Variants in MARK3 observed in about 807,000 individuals in gnomAD.
MARK3 encodes the protein microtubule affinity regulating kinase 3.
In MARK3, 46 loss-of-function variants were observed where a neutral mutation model predicts 90.1. That is an observed-to-expected ratio of 0.51 (90% CI 0.40 to 0.65). The LOEUF (loss-of-function observed/expected upper bound fraction) is 0.65. Ranked by LOEUF, MARK3 falls within the 30% of genes least tolerant of loss-of-function variation. The pLI, the probability that MARK3 is intolerant of heterozygous loss-of-function variation, is 0.00. For missense variants in MARK3, 818 were observed against 947.2 expected, an observed-to-expected ratio of 0.86 and a Z score of 1.79; for synonymous variants, 321 against 332.6, an observed-to-expected ratio of 0.97 and a Z score of 0.38.
chr14:103,406,995 G>A (rs913743966), intron 2 of MARK3, among the ~76,000 whole-genome samples: 3 of 151,748 alleles, frequency 2.0e-5, no homozygotes, highest in African/African-American at 4.8e-5. Context: ...CACTGCACCC[G>A]GCTAATTTTT....
intron 15 of MARK3, 30 bp from the exon 16 acceptor site, chr14:103,498,470 ATT>A (rs202211193): frequency 1.5e-3 from 1,608 of 1,042,470 alleles, no homozygotes; most frequent in East Asian, 2.2e-3. Context: ...ATTTTTGTTA[ATT>A]TTTTTTTTTT....
At chr14:103,458,665 G>A (rs911933877) in intron 6 of MARK3, 28 of 635,634 alleles carry the variant, frequency 4.4e-5, no homozygotes, top group Non-Finnish European at 2.0e-5. Context: ...GGCCTACATT[G>A]AAATGGAATT....
chr14:103,425,259 T>C (rs2092363873), intron 2 of MARK3, among the ~76,000 whole-genome samples: 1 of 150,636 alleles, frequency 6.6e-6, no homozygotes. Flanking sequence ...ATTATTTATT[T>C]ATTTATTTAT....
intron 14 of MARK3, among the ~76,000 whole-genome samples, chr14:103,482,666 C>T (rs935232545): frequency 1.3e-5 from 2 of 152,170 alleles, no homozygotes; most frequent in African/African-American, 4.8e-5. Flanking sequence ...CTGCTCTCTG[C>T]TTCCATCCTG....
intron 2 of MARK3, among the ~76,000 whole-genome samples, chr14:103,414,648 T>C (rs550104659): frequency 3.9e-5 from 6 of 152,330 alleles, no homozygotes; most frequent in Non-Finnish European, 8.8e-5. Context: ...CATTGATGAT[T>C]TGGGGACTTA....
chr14:103,418,092 G>C (rs953476955), intron 2 of MARK3, among the ~76,000 whole-genome samples: 3 of 151,742 alleles, frequency 2.0e-5, no homozygotes, highest in Non-Finnish European at 2.9e-5. Flanking sequence ...CTGTGTGTGT[G>C]TCTCCTCTTC....
At position 103,418,834 on chromosome 14, in the gene MARK3, G is replaced by T. The variant is rs191206401; in HGVS notation, c.244-9553G>T. On this transcript the variant is annotated intron_variant, in intron 2 of 17. Transcript: ENST00000429436. ...ATACATGTTTTTTCAACATATTTTT[G>T]ATTATAATTTTGTATCTTGTTTTTT... is the stretch of plus-strand genomic sequence containing the variant. 2.5e-3 allele frequency among the ~76,000 whole-genome samples: 375 copies of T among 152,172 alleles called. 1 individual carries two copies. Among genetic ancestry groups the T allele is most frequent in the Admixed American group, 5.2e-3 (79 of 15,274 alleles).
chr14:103,479,676 A>T (rs954938067), intron 13 of MARK3, among the ~76,000 whole-genome samples: 5 of 119,840 alleles, frequency 4.2e-5, no homozygotes, highest in Non-Finnish European at 4.9e-5. Flanking sequence ...CTTGTTACAC[A>T]GGCTGGAGTG....
intron 8 of MARK3, 62 bp from the exon 9 acceptor site, chr14:103,465,910 G>GT: frequency 6.3e-7 from 1 of 1,581,054 alleles, no homozygotes; most frequent in Non-Finnish European, 8.6e-7. Context: ...TTTTTGTTGT[G>GT]TTTTGTTAAC....
Position 103,466,456 on chromosome 14 carries a change from G to A in MARK3, c.997+14G>A. 1 of 1,529,218 alleles carries A rather than the reference G, an allele frequency of 6.5e-7. No individual in the cohort carries two copies. The highest frequency in any genetic ancestry group is 9.0e-7 in the Non-Finnish European group (1 of 1,108,700). 94.7% of individuals were successfully genotyped at this position (1,529,218 alleles called of 1,614,324 possible). On this transcript the variant is annotated intron_variant, in intron 10 of 17. Transcript: ENST00000429436. ...AAAAAAGAATAGGTAATCACTCCAT[G>A]CCTGCATGTTCATGTGTTTTTGTCT... is the stretch of plus-strand genomic sequence containing the variant.
At chr14:103,492,163 T>TTA in intron 15 of MARK3, 129 bp downstream of exon 15, 1 of 1,012,112 alleles carries the variant, frequency 9.9e-7, no homozygotes. Flanking sequence ...TTTTCTGGTT[T>TTA]TATATATATC....
chr14:103,400,266 A>T (rs1595469358), intron 1 of MARK3, among the ~76,000 whole-genome samples: 1 of 151,878 alleles, frequency 6.6e-6, no homozygotes, highest in Admixed American at 6.6e-5. Flanking sequence ...ACCAACCCCT[A>T]CCCCCTACTA....
At chr14:103,387,285 A>G (rs1037931700) in intron 1 of MARK3, among the ~76,000 whole-genome samples, 1 of 152,168 alleles carries the variant, frequency 6.6e-6, no homozygotes, top group African/African-American at 2.4e-5. Flanking sequence ...ACCATAGCCT[A>G]AAGCATCCCT....
chr14:103,404,958 A>G, intron 1 of MARK3, 118 bp from the exon 2 acceptor site: 1 of 665,476 alleles, frequency 1.5e-6, no homozygotes, highest in Non-Finnish European at 2.4e-6. Flanking sequence ...TTGAAGTGCT[A>G]GATACTTTAA....
At chr14:103,471,593 G>A (rs976044165) in intron 12 of MARK3, among the ~76,000 whole-genome samples, 1 of 151,984 alleles carries the variant, frequency 6.6e-6, no homozygotes, top group South Asian at 2.1e-4. Context: ...CTCCTGCCTC[G>A]TCTCACCTCT....
intron 1 of MARK3, among the ~76,000 whole-genome samples, chr14:103,393,500 T>C (rs2090396842): frequency 6.6e-6 from 1 of 152,136 alleles, no homozygotes; most frequent in African/African-American, 2.4e-5. Flanking sequence ...CATGAAAATA[T>C]TTAGTCAGTT....
At chr14:103,434,313 T>G (rs893374978) in intron 3 of MARK3, among the ~76,000 whole-genome samples, 3 of 152,208 alleles carry the variant, frequency 2.0e-5, no homozygotes, top group African/African-American at 7.2e-5. Context: ...TGTCATGAAC[T>G]GCACAGATTC....
chr14:103,496,459 C>A (rs1361512853), intron 15 of MARK3, among the ~76,000 whole-genome samples: 1 of 151,700 alleles, frequency 6.6e-6, no homozygotes, highest in Non-Finnish European at 1.5e-5. Context: ...GTCACCCAGG[C>A]TGGAGTGCAG....
intron 3 of MARK3, among the ~76,000 whole-genome samples, chr14:103,432,782 G>C (rs1298785750): frequency 6.6e-6 from 1 of 152,180 alleles, no homozygotes; most frequent in Non-Finnish European, 1.5e-5. Context: ...CTTGAGCCTA[G>C]AAGTTGGAGG....
Sources: allele counts gnomAD v4.1 joint callset (sites outside exome capture counted in the v4.1 genomes callset), GRCh38; gene constraint gnomAD v4.1.1; transcripts MANE v1.5; gene names NCBI Gene and HGNC (gene_info 2026-07-23, HGNC 2026-07-21).